The following JMY variants were observed in gnomAD, a reference collection of about 807,000 sequenced individuals.
JMY encodes the protein junction mediating and regulatory protein, p53 cofactor.
Under a neutral mutation model 103.3 loss-of-function variants are expected in JMY, and 46 were observed. The ratio of observed to expected loss-of-function variants is 0.45; its 90% CI spans 0.35 to 0.57. JMY has a LOEUF of 0.57. JMY is among the 20% of genes least tolerant of loss of function. JMY has a pLI of 0.00. For synonymous variants in JMY, 526 were observed against 489.3 expected (o/e 1.07, Z -0.99); for missense variants, 1,238 against 1,255.2 (o/e 0.99, Z 0.21).
intron 1 of JMY, among the ~76,000 whole-genome samples, chr5:79,275,221 C>G (rs1271850355): frequency 6.8e-6 from 1 of 146,726 alleles, no homozygotes; most frequent in East Asian, 2.0e-4. Context: ...AGTGCAGTGG[C>G]GCGATCTCAG....
intron 8 of JMY, among the ~76,000 whole-genome samples, chr5:79,313,943 C>A (rs926926117): frequency 6.6e-6 from 1 of 152,206 alleles, no homozygotes; most frequent in Admixed American, 6.5e-5. Context: ...ACTGCAACTT[C>A]CGCCTCCCGG....
intron 4 of JMY, among the ~76,000 whole-genome samples, chr5:79,297,619 A>G (rs76258426): frequency 0.024 from 3,675 of 152,312 alleles, 58 homozygotes; most frequent in South Asian, 0.062. Context: ...TCTCTGAGTC[A>G]TAGCATCCTT....
At chr5:79,306,686 G>A (rs983852961) in intron 7 of JMY, among the ~76,000 whole-genome samples, 9 of 152,052 alleles carry the variant, frequency 5.9e-5, no homozygotes, top group African/African-American at 1.9e-4. Flanking sequence ...CTATACTCCT[G>A]TCCCCACACT....
intron 4 of JMY, among the ~76,000 whole-genome samples, chr5:79,293,994 C>G (rs1039123144): frequency 6.6e-6 from 1 of 152,058 alleles, no homozygotes; most frequent in Non-Finnish European, 1.5e-5. Context: ...TACATACAAC[C>G]ACACAGGATT....
intron 1 of JMY, among the ~76,000 whole-genome samples, chr5:79,250,913 A>G (rs930552208): frequency 2.0e-5 from 3 of 152,114 alleles, no homozygotes; most frequent in Non-Finnish European, 2.9e-5. Context: ...AATATTGTCT[A>G]TGGTAAAAAA....
chr5:79,238,922 C>G (rs1241058776), intron 1 of JMY, among the ~76,000 whole-genome samples: 1 of 152,164 alleles, frequency 6.6e-6, no homozygotes, highest in Non-Finnish European at 1.5e-5. Context: ...CTCGGCCTCC[C>G]AAAGTGCTGG....
chr5:79,245,345 A>T (rs1402280155), intron 1 of JMY, among the ~76,000 whole-genome samples: 1 of 152,152 alleles, frequency 6.6e-6, no homozygotes, highest in Non-Finnish European at 1.5e-5. Context: ...TCATGAAGTC[A>T]TCCTGGTGCT....
intron 1 of JMY, among the ~76,000 whole-genome samples, chr5:79,272,656 C>G (rs1361578855): frequency 6.6e-6 from 1 of 152,116 alleles, no homozygotes; most frequent in East Asian, 1.9e-4. Flanking sequence ...TTTTAAGAGA[C>G]AGGGCTTTGT....
chr5:79,264,744 G>A (rs1216328772), intron 1 of JMY, among the ~76,000 whole-genome samples: 1 of 152,074 alleles, frequency 6.6e-6, no homozygotes, highest in Non-Finnish European at 1.5e-5. Flanking sequence ...CTGTGATTCA[G>A]TAATAACAGT....
At position 79,236,841 on chromosome 5, in the gene JMY, C is replaced by A; in HGVS notation, c.191C>A (p.Ala64Glu). Residue 64 changes from alanine (A) to glutamate (E), a missense_variant, in exon 1 of 11, where the codon GCG (alanine) becomes GAG (glutamate). Ala to Glu is a moderately radical substitution (Grantham distance 107). Transcript: ENST00000396137. ...AGCGGCTCCCGGGAGCAAGCGGGGG[C>A]GCGAGGGGGCGCCGAGGCCGGCGGA... The part of the protein sequence containing the change: ...QRSGSREQAG[A>E]RGGAEAGGAA... 3 of 1,450,308 alleles carry A rather than the reference C, an allele frequency of 2.1e-6. No individual in the cohort carries two copies. Among genetic ancestry groups the A allele is most frequent in the South Asian group, 1.4e-5 (1 of 69,328 alleles). The allele number at this position is 1,450,308 out of a possible 1,614,324, so 89.8% of individuals were successfully genotyped here. A position where few individuals can be genotyped will look rare whatever the true frequency, so the allele number is the denominator to read the frequency against.
intron 1 of JMY, among the ~76,000 whole-genome samples, chr5:79,250,495 A>G (rs1332804139): frequency 1.3e-5 from 2 of 152,154 alleles, no homozygotes; most frequent in African/African-American, 2.4e-5. Flanking sequence ...CCTGATCACA[A>G]TTGATTTGCA....
rs2112119736 is a variant in JMY at position 79,314,359 on chromosome 5, T to A, written c.2167T>A (p.Ser723Thr). ...SPVLQEDHCD[S>T]LPSVLQVEEK... ...TGTTCTCCAAGAGGATCATTGTGAC[T>A]CTTTACCAAGTGTGTTACAGGTAGA... The change falls in exon 9 of 11, where the codon TCT becomes ACT. Residue 723 changes from serine (S) to threonine (T), a missense_variant. Ser to Thr is a moderately conservative substitution (Grantham distance 58). Coordinates refer to ENST00000396137, the MANE Select transcript of JMY (RefSeq NM_152405.5). The A allele has an allele frequency of 1.9e-6, 3 of 1,614,154 alleles. No individual in the cohort carries two copies. Among genetic ancestry groups the A allele is most frequent in the African/African-American group, 1.3e-5 (1 of 75,032 alleles).
rs1163095712 is a variant in JMY, at chr5:79,236,740, C to G, written c.90C>G (p.Val30=). 6 of 1,507,084 alleles carry G rather than the reference C, an allele frequency of 4.0e-6. No homozygotes were observed. The East Asian group carries it at 1.4e-4, about 35-fold the overall frequency. The allele number at this position is 1,507,084 out of a possible 1,614,324, so 93.4% of individuals were successfully genotyped here. Residue 30 remains valine, a synonymous_variant, in exon 1 of 11, where the codon GTC becomes GTG. Coordinates refer to ENST00000396137, the MANE Select transcript of JMY (RefSeq NM_152405.5). ...ACGAGCGCGAGAAACACAAATTCGT[C>G]TTTATTGTGGCCTGGAACGAGATTG... ...VFDEREKHKF[V]FIVAWNEIEG... is the part of the protein sequence containing the mutation.
intron 1 of JMY, among the ~76,000 whole-genome samples, chr5:79,251,834 G>C (rs569357557): frequency 2.0e-5 from 3 of 152,056 alleles, no homozygotes; most frequent in Non-Finnish European, 2.9e-5. Flanking sequence ...GAGTGCAATG[G>C]CAAGATATCA....
intron 2 of JMY, chr5:79,284,047 ACTTT>A (rs60073055): frequency 2.4e-6 from 2 of 828,208 alleles, no homozygotes; most frequent in Non-Finnish European, 3.6e-6. Context: ...GGTACAAATT[ACTTT>A]CTTTTTTTTA....
At position 79,323,702 on chromosome 5, in the gene JMY, A is replaced by C. The variant is rs1382143889; in HGVS notation, c.*2100A>C. On this transcript the variant is annotated 3_prime_UTR_variant, in exon 11 of 11. Transcript: ENST00000396137. Reference sequence around the variant, plus strand: ...ATTAACCAGAAACCCTGGAACATTCATATCTTGAGAGGGAATTTGCTACTC... The same window carrying C: ...ATTAACCAGAAACCCTGGAACATTCCTATCTTGAGAGGGAATTTGCTACTC... The C allele has an allele frequency of 6.6e-6, 1 of 152,160 alleles. No individual in the cohort carries two copies. The highest frequency in any genetic ancestry group is 2.4e-5 in the African/African-American group (1 of 41,438). 9.4% of individuals were successfully genotyped at this position (152,160 alleles called of 1,614,324 possible).
intron 10 of JMY, among the ~76,000 whole-genome samples, chr5:79,317,223 T>TA (rs916110593): frequency 6.6e-6 from 1 of 151,790 alleles, no homozygotes; most frequent in Non-Finnish European, 1.5e-5. Context: ...TCTAAACCCT[T>TA]AAAAAAAACT....
intron 8 of JMY, among the ~76,000 whole-genome samples, chr5:79,313,933 A>G (rs1331521480): frequency 6.6e-6 from 1 of 152,198 alleles, no homozygotes; most frequent in Non-Finnish European, 1.5e-5. Flanking sequence ...ATCTCGGCTC[A>G]CTGCAACTTC....
chr5:79,269,498 T>A (rs565392344), intron 1 of JMY, among the ~76,000 whole-genome samples: 1 of 152,314 alleles, frequency 6.6e-6, no homozygotes, highest in East Asian at 1.9e-4. Context: ...TTGATTAGGA[T>A]TGCATTGAAT....
Sources: gnomAD v4.1 joint callset for allele counts (sites outside exome capture counted in the v4.1 genomes callset) on GRCh38, gnomAD v4.1.1 for gene constraint, MANE v1.5 for transcripts, NCBI Gene and HGNC (gene_info 2026-07-23, HGNC 2026-07-21) for gene names.